NKAIN3: variants seen among roughly 807,000 people sequenced by gnomAD.
The protein encoded by NKAIN3 is sodium/potassium-transporting ATPase subunit beta-1-interacting protein 3.
Under a neutral mutation model 30.2 loss-of-function variants are expected in NKAIN3, and 25 were observed. The ratio of observed to expected loss-of-function variants is 0.83; its 90% CI spans 0.60 to 1.16. NKAIN3 has a LOEUF of 1.16. Among genes scored for constraint, NKAIN3 ranks in the 50% most tolerant of loss-of-function variants. The pLI is 0.00. For missense variants in NKAIN3, 225 were observed against 254.1 expected (o/e 0.89, Z 0.78); for synonymous variants, 91 against 89.6 (o/e 1.02, Z -0.09).
chr8:62,397,513 G>A (rs1378984895), intron 1 of NKAIN3, among the ~76,000 whole-genome samples: 4 of 152,086 alleles, frequency 2.6e-5, no homozygotes, highest in African/African-American at 9.7e-5. Context: ...TTGAAATAGA[G>A]GTTGCCTCTA....
chr8:62,565,735 A>G (rs913358765), intron 1 of NKAIN3, among the ~76,000 whole-genome samples: 7 of 151,908 alleles, frequency 4.6e-5, no homozygotes, highest in African/African-American at 9.7e-5. Context: ...CCCATTGTAA[A>G]TTGAATATAT....
chr8:62,796,817 A>ACACACACAC (rs1554578657), intron 4 of NKAIN3, among the ~76,000 whole-genome samples: 27 of 41,366 alleles, frequency 6.5e-4, no homozygotes, highest in Admixed American at 2.1e-3. Context: ...CACACACACA[A>ACACACACAC]ATACTCATGA....
intron 3 of NKAIN3, among the ~76,000 whole-genome samples, chr8:62,710,693 G>A (rs2130492661): frequency 6.6e-6 from 1 of 152,268 alleles, no homozygotes; most frequent in South Asian, 2.1e-4. Context: ...TCTTTTAAGT[G>A]GAGCATTTAG....
intron 4 of NKAIN3, among the ~76,000 whole-genome samples, chr8:62,754,350 A>G (rs918824741): frequency 7.5e-6 from 1 of 133,030 alleles, no homozygotes; most frequent in Non-Finnish European, 1.6e-5. Context: ...TCATATGCTC[A>G]TGTTGATTAG....
chr8:62,325,491 G>T (rs1815085369), intron 1 of NKAIN3, among the ~76,000 whole-genome samples: 2 of 152,004 alleles, frequency 1.3e-5, no homozygotes, highest in South Asian at 4.1e-4. Context: ...CCTTTAGGTA[G>T]ATACCTAGCA....
chr8:62,294,089 A>G (rs1383723330), intron 1 of NKAIN3, among the ~76,000 whole-genome samples: 1 of 152,160 alleles, frequency 6.6e-6, no homozygotes, highest in African/African-American at 2.4e-5. Flanking sequence ...ATTGGAAAAG[A>G]GCAGTATTAG....
intron 3 of NKAIN3, among the ~76,000 whole-genome samples, chr8:62,716,859 G>A (rs867674747): frequency 1.3e-5 from 2 of 152,106 alleles, no homozygotes; most frequent in Admixed American, 6.5e-5. Context: ...GCACTTATGA[G>A]ATGAGGTGGG....
At chr8:62,331,451 A>G (rs1180221323) in intron 1 of NKAIN3, among the ~76,000 whole-genome samples, 1 of 152,060 alleles carries the variant, frequency 6.6e-6, no homozygotes, top group African/African-American at 2.4e-5. Flanking sequence ...CAGGGACCAC[A>G]CCTCATGTGC....
intron 2 of NKAIN3, among the ~76,000 whole-genome samples, chr8:62,585,715 G>A (rs1285409731): frequency 1.3e-5 from 2 of 152,098 alleles, no homozygotes; most frequent in African/African-American, 4.8e-5. Context: ...CTGTGGCCTG[G>A]AGATTGGGAA....
At chr8:62,807,154 T>C (rs1463627698) in intron 4 of NKAIN3, among the ~76,000 whole-genome samples, 1 of 152,242 alleles carries the variant, frequency 6.6e-6, no homozygotes, top group Non-Finnish European at 1.5e-5. Flanking sequence ...TTTATGGATA[T>C]TTGTTATAAT....
chr8:62,406,175 A>G (rs1409722334), intron 1 of NKAIN3, among the ~76,000 whole-genome samples: 1 of 152,240 alleles, frequency 6.6e-6, no homozygotes, highest in African/African-American at 2.4e-5. Context: ...GTGGCTGAGT[A>G]CATACAAGGT....
intron 3 of NKAIN3, among the ~76,000 whole-genome samples, chr8:62,663,006 A>G (rs998026366): frequency 6.6e-6 from 1 of 152,226 alleles, no homozygotes; most frequent in Non-Finnish European, 1.5e-5. Flanking sequence ...CTTTGAAGTA[A>G]TGCAAAAGGC....
intron 5 of NKAIN3, among the ~76,000 whole-genome samples, chr8:62,996,812 C>T (rs967842338): frequency 6.6e-6 from 1 of 152,224 alleles, no homozygotes; most frequent in Admixed American, 6.5e-5. Context: ...TCTCCTTTGA[C>T]TCCATGTCTC....
chr8:62,754,287 A>G (rs1816378509), intron 4 of NKAIN3, among the ~76,000 whole-genome samples: 2 of 151,994 alleles, frequency 1.3e-5, no homozygotes, highest in Admixed American at 6.6e-5. Flanking sequence ...ATAATATCCA[A>G]TTTAAGTCCC....
intron 1 of NKAIN3, among the ~76,000 whole-genome samples, chr8:62,398,114 C>T (rs1817822759): frequency 6.6e-6 from 1 of 151,930 alleles, no homozygotes; most frequent in South Asian, 2.1e-4. Context: ...AGGAGATGAA[C>T]GAGGAGATAA....
intron 4 of NKAIN3, among the ~76,000 whole-genome samples, chr8:62,775,469 C>T (rs1817162220): frequency 6.6e-6 from 1 of 151,702 alleles, no homozygotes; most frequent in South Asian, 2.1e-4. Flanking sequence ...AATGCTCTTG[C>T]TTTCCTAGTT....
chr8:62,968,107 A>G lies in NKAIN3; in HGVS notation c.*2700A>G, dbSNP rs1418035325. ...CATAAAGATTGTCCTAACATTCTGG[A>G]TATTTGCCACTCATCAGAAACAAGT... On this transcript the variant is annotated 3_prime_UTR_variant, in exon 7 of 7. Transcript: ENST00000623646. Among the ~76,000 whole-genome samples the G allele has an allele frequency of 6.6e-6, 1 of 152,186 alleles. No homozygotes were observed. The highest frequency in any genetic ancestry group is 1.5e-5 in the Non-Finnish European group (1 of 68,030).
chr8:62,283,971 T>G (rs373162552), intron 1 of NKAIN3, among the ~76,000 whole-genome samples: 1 of 152,186 alleles, frequency 6.6e-6, no homozygotes, highest in African/African-American at 2.4e-5. Context: ...TAAAAATTAT[T>G]AAAGTGACGT....
chr8:62,390,535 A>T (rs888726745), intron 1 of NKAIN3, among the ~76,000 whole-genome samples: 3 of 152,170 alleles, frequency 2.0e-5, no homozygotes, highest in East Asian at 1.9e-4. Flanking sequence ...TAATAGAATG[A>T]TTTATATTCC....
Sources: gnomAD v4.1 joint callset for allele counts (sites outside exome capture counted in the v4.1 genomes callset) on GRCh38, gnomAD v4.1.1 for gene constraint, MANE v1.5 for transcripts, NCBI Gene and HGNC (gene_info 2026-07-23, HGNC 2026-07-21) for gene names.